ADAMTS5: variants seen among roughly 807,000 people sequenced by gnomAD.
The protein encoded by ADAMTS5 is ADAM metallopeptidase with thrombospondin type 1 motif 5.
A neutral mutation model predicts 81.4 loss-of-function variants in ADAMTS5; 54 were observed. The observed-to-expected ratio is 0.66, with a 90% CI of 0.53 to 0.83. The LOEUF (loss-of-function observed/expected upper bound fraction) is 0.83, where lower values mean the gene tolerates loss of function less well. ADAMTS5 is among the 40% of genes least tolerant of loss of function. ADAMTS5 has a pLI of 0.00. For missense variants in ADAMTS5, 1,194 were observed against 1,229.9 expected (o/e 0.97, Z 0.44); for synonymous variants, 532 against 508.8 (o/e 1.05, Z -0.61).
At chr21:26,961,954 CG>C (rs1407582419) in intron 1 of ADAMTS5, among the ~76,000 whole-genome samples, 1 of 152,120 alleles carries the variant, frequency 6.6e-6, no homozygotes, top group East Asian at 1.9e-4. Flanking sequence ...TGGGGAGACC[CG>C]GTCCCAGCAA....
intron 1 of ADAMTS5, among the ~76,000 whole-genome samples, chr21:26,960,491 G>T (rs1987509078): frequency 6.6e-6 from 1 of 152,152 alleles, no homozygotes; most frequent in South Asian, 2.1e-4. Flanking sequence ...AATCAGATAG[G>T]GTTAGTGTCC....
chr21:26,938,450 A>G (rs1358295897), intron 3 of ADAMTS5, among the ~76,000 whole-genome samples: 2 of 152,220 alleles, frequency 1.3e-5, no homozygotes, highest in Non-Finnish European at 2.9e-5. Flanking sequence ...CAGGAAATGG[A>G]ACAGAAAAAT....
intron 2 of ADAMTS5, among the ~76,000 whole-genome samples, chr21:26,944,171 T>G (rs371467384): frequency 1.3e-5 from 2 of 152,218 alleles, no homozygotes; most frequent in East Asian, 3.9e-4. Context: ...TCATTTCTTT[T>G]GGTGATTTAG....
At chr21:26,949,205 A>ATG (rs1987274374) in intron 2 of ADAMTS5, among the ~76,000 whole-genome samples, 1 of 150,672 alleles carries the variant, frequency 6.6e-6, no homozygotes, top group African/African-American at 2.4e-5. Context: ...ATATGGAGAG[A>ATG]GAGAGAGAGA....
rs199574210 is a variant in ADAMTS5 at position 26,920,770 on chromosome 21, GA to G, written c.*3282del. On this transcript the variant is annotated 3_prime_UTR_variant, in exon 8 of 8. Transcript: ENST00000284987. Reference sequence around the variant, plus strand: ...AAGTGTTTTTCTTATTTGTGACTTGGAAAAAATAGTGTTAATGTGATGTAAA... The same window carrying G: ...AAGTGTTTTTCTTATTTGTGACTTGGAAAAATAGTGTTAATGTGATGTAAA... The G allele has an allele frequency of 7.8e-4, 118 of 152,076 alleles. No individual in the cohort carries two copies. Among genetic ancestry groups the G allele is most frequent in the African/African-American group, 2.8e-3 (115 of 41,516 alleles). 9.4% of individuals were successfully genotyped at this position (152,076 alleles called of 1,614,324 possible).
chr21:26,966,250 C>A lies in ADAMTS5; in HGVS notation c.142G>T (p.Gly48Trp), dbSNP rs767153714. The change falls in exon 1 of 8, where the codon GGG (glycine) becomes TGG (tryptophan). Residue 48 changes from glycine to tryptophan, a missense_variant. Physicochemically the swap from Gly to Trp is radical, Grantham distance 184. Coordinates refer to ENST00000284987, the MANE Select transcript of ADAMTS5 (RefSeq NM_007038.5). ...TCGGCTCGCTCCTGCACCTCCTCCC[C>A]CTGCCGCCGGCGGGGCTGGGCGGCT... ...AAAAQPRRRQ[G>W]EEVQERAEPP... The A allele has an allele frequency of 1.9e-6, 3 of 1,597,578 alleles. No homozygotes were observed. Among genetic ancestry groups the A allele is most frequent in the Middle Eastern group, 1.7e-4 (1 of 5,892 alleles).
chr21:26,965,646 C>T lies in ADAMTS5; in HGVS notation c.746G>A (p.Gly249Asp), dbSNP rs753483555. The T allele has an allele frequency of 2.9e-5, 46 of 1,594,876 alleles. No individual in the cohort carries two copies. Among genetic ancestry groups the T allele is most frequent in the South Asian group, 5.6e-5 (5 of 89,316 alleles). ...LDQSALSPAGGSGPQTWWRRR... is the reference protein window; with the variant it reads ...LDQSALSPAGDSGPQTWWRRR... ...CCGCCACCACGTCTGCGGTCCTGAGCCCCCAGCGGGCGAGAGAGCGGACTG... is the reference window on the plus strand; with the variant it reads ...CCGCCACCACGTCTGCGGTCCTGAGTCCCCAGCGGGCGAGAGAGCGGACTG... Residue 249 changes from glycine to aspartate, a missense_variant, in exon 1 of 8, where the codon GGC becomes GAC. This residue lies in a region of ADAMTS5 where 498 missense variants were observed against 412.3 expected (regional missense o/e 1.21). Transcript: ENST00000284987.
At chr21:26,927,732 T>C (rs1986830764) in intron 7 of ADAMTS5, among the ~76,000 whole-genome samples, 1 of 152,090 alleles carries the variant, frequency 6.6e-6, no homozygotes, top group Non-Finnish European at 1.5e-5. Context: ...TGGCTTCCCT[T>C]GCTTGGTAAG....
rs1057341620 is a variant in ADAMTS5, at chr21:26,966,778, C to T, written c.-387G>A. Among the ~76,000 whole-genome samples the T allele has an allele frequency of 6.6e-6, 1 of 152,260 alleles. No homozygotes were observed. The highest frequency in any genetic ancestry group is 2.1e-4 in the South Asian group (1 of 4,828). On this transcript the variant is annotated 5_prime_UTR_variant, in exon 1 of 8. Transcript: ENST00000284987. ...TCAAGAAAAGTAAGGAAAGGTACCG[C>T]GCACCGGGCTGGCAACTGGTGCGCG...
At chr21:26,928,691 T>C (rs920202281) in intron 7 of ADAMTS5, among the ~76,000 whole-genome samples, 13 of 151,358 alleles carry the variant, frequency 8.6e-5, no homozygotes, top group South Asian at 2.1e-4. Flanking sequence ...TTTTCTTTCT[T>C]TCTCTCTCTC....
At chr21:26,934,925 G>C (rs987054496) in intron 3 of ADAMTS5, among the ~76,000 whole-genome samples, 176 bp from the exon 4 acceptor site, 4 of 152,138 alleles carry the variant, frequency 2.6e-5, no homozygotes, top group African/African-American at 9.7e-5. Flanking sequence ...CCCCTTGGAC[G>C]CACCAGACCC....
chr21:26,962,343 C>T (rs561682408), intron 1 of ADAMTS5, among the ~76,000 whole-genome samples: 1 of 152,154 alleles, frequency 6.6e-6, no homozygotes, highest in Admixed American at 6.5e-5. Context: ...TGTTTGATGG[C>T]AGAAGTGGTG....
Position 26,924,279 on chromosome 21 carries a change from G to A in ADAMTS5, c.2567C>T (p.Thr856Ile), listed in dbSNP as rs1229533545. Residue 856 changes from threonine to isoleucine, a missense_variant, in exon 8 of 8, where the codon ACT (threonine) becomes ATT (isoleucine). Thr to Ile is a moderately conservative substitution (Grantham distance 89). This residue lies in a region of ADAMTS5 where 696 missense variants were observed against 817.6 expected (regional missense o/e 0.85). Coordinates refer to ENST00000284987, the MANE Select transcript of ADAMTS5 (RefSeq NM_007038.5). The part of the protein sequence containing the change: ...RYSFFVPKKS[T>I]PKVNSVTSHG... ...ACTAGTGACAGAGTTTACTTTTGGAGTGGACTTCTTGGGAACAAAAAAGCT... is the reference window on the plus strand; with the variant it reads ...ACTAGTGACAGAGTTTACTTTTGGAATGGACTTCTTGGGAACAAAAAAGCT... The A allele has an allele frequency of 3.1e-6, 5 of 1,614,096 alleles. No homozygotes were observed. In the African/African-American group the frequency reaches 5.3e-5, roughly 17 times the overall value.
At chr21:26,950,699 G>A (rs573177549) in intron 2 of ADAMTS5, among the ~76,000 whole-genome samples, 20 of 152,222 alleles carry the variant, frequency 1.3e-4, no homozygotes, top group Admixed American at 1.3e-3. Flanking sequence ...AAAAAGAAGT[G>A]TTCTAGTTTC....
intron 1 of ADAMTS5, among the ~76,000 whole-genome samples, chr21:26,955,683 A>G (rs1045168654): frequency 5.3e-5 from 8 of 152,330 alleles, no homozygotes; most frequent in African/African-American, 1.9e-4. Context: ...AAGAGAAAAT[A>G]TAAGCCGCAA....
At chr21:26,938,153 A>T (rs1987048765) in intron 3 of ADAMTS5, among the ~76,000 whole-genome samples, 1 of 152,000 alleles carries the variant, frequency 6.6e-6, no homozygotes, top group African/African-American at 2.4e-5. Flanking sequence ...CTGAGGCAGG[A>T]GAATCGCTTG....
rs1440865993 is a variant in ADAMTS5, at chr21:26,934,528, C to T, written c.1627G>A (p.Gly543Arg). The stretch of plus-strand genomic sequence containing the variant: ...CCCTGCAGGCAGATTCTCCCCTTTC[C>T]ACAAGGCGTCCCTTCCACCGCAGGC... ...KLPAVEGTPC[G>R]KGRICLQGKC... The change falls in exon 4 of 8, where the codon GGA (glycine) becomes AGA (arginine). Residue 543 changes from glycine to arginine, a missense_variant. Gly to Arg is a moderately radical substitution (Grantham distance 125, BLOSUM62 -2). This residue lies in a region of ADAMTS5 where 696 missense variants were observed against 817.6 expected (regional missense o/e 0.85). Coordinates refer to ENST00000284987, the MANE Select transcript of ADAMTS5 (RefSeq NM_007038.5). 6.2e-7 allele frequency: 1 copy of T among 1,614,170 alleles called. No individual in the cohort carries two copies. Among genetic ancestry groups the T allele is most frequent in the South Asian group, 1.1e-5 (1 of 91,088 alleles).
At chr21:26,931,910 A>C in intron 6 of ADAMTS5, 94 bp downstream of exon 6, 1 of 1,303,960 alleles carries the variant, frequency 7.7e-7, no homozygotes, top group Non-Finnish European at 1.0e-6. Flanking sequence ...ACCCCAAACT[A>C]ATAACTGTTT....
intron 3 of ADAMTS5, among the ~76,000 whole-genome samples, chr21:26,936,648 G>A (rs762896494): frequency 1.3e-5 from 2 of 152,062 alleles, no homozygotes; most frequent in African/African-American, 2.4e-5. Flanking sequence ...GAGCCAGAAC[G>A]TTTGAAGAGG....
Sources: allele counts gnomAD v4.1 joint callset (sites outside exome capture counted in the v4.1 genomes callset), GRCh38; gene constraint gnomAD v4.1.1; regional missense constraint gnomAD v4.1.1; transcripts MANE v1.5; gene names NCBI Gene and HGNC (gene_info 2026-07-23, HGNC 2026-07-21).